CRHR2: variants seen among roughly 807,000 people sequenced by gnomAD.
CRHR2 encodes the protein corticotropin-releasing hormone receptor 2.
CRHR2 carries 53 observed loss-of-function variants against 57.9 expected under a neutral mutation model. That is an observed-to-expected ratio of 0.92 (90% CI 0.73 to 1.15). The LOEUF is 1.15. CRHR2 is among the 50% of genes most tolerant of loss of function. The pLI is 0.00. For missense variants in CRHR2, 532 were observed against 542.6 expected, an observed-to-expected ratio of 0.98 and a Z score of 0.19; for synonymous variants, 213 against 220.9, an observed-to-expected ratio of 0.96 and a Z score of 0.32.
At position 30,653,443 on chromosome 7, in the gene CRHR2, G is replaced by A. The variant is rs1435872521; in HGVS notation, c.*17C>T. 1 of 1,611,696 alleles carries A rather than the reference G, an allele frequency of 6.2e-7. No individual in the cohort carries two copies. The highest frequency in any genetic ancestry group is 8.5e-7 in the Non-Finnish European group (1 of 1,179,042). ...TGGAGGAGGACAGGGGAGCTGTGCA[G>A]GTGGGCGACCGAGGGGTCACACAGC... On this transcript the variant is annotated 3_prime_UTR_variant, in exon 12 of 12. Coordinates refer to ENST00000471646, the MANE Select transcript of CRHR2 (RefSeq NM_001883.5). This position sits in a 1 kb window ranked among gnomAD's most constrained non-coding sequence, Gnocchi z 5.0.
Position 30,665,611 on chromosome 7 carries a change from A to T in CRHR2, c.344T>A (p.Ile115Asn), listed in dbSNP as rs1230515681. 1 of 1,560,820 alleles carries T rather than the reference A, an allele frequency of 6.4e-7. No homozygotes were observed. Among genetic ancestry groups the T allele is most frequent in the South Asian group, 1.2e-5 (1 of 84,694 alleles). ...KQRKYDLHYR[I>N]ALVVNYLGHC... ...GCCCAGGTAGTTGACGACAAGGGCG[A>T]TGCGGTAGTGCAGGTCATACTTCCT... is the stretch of plus-strand genomic sequence containing the variant. The change falls in exon 4 of 12, where the codon ATC becomes AAC. Residue 115 changes from isoleucine (I) to asparagine (N), a missense_variant. Coordinates refer to ENST00000471646, the MANE Select transcript of CRHR2 (RefSeq NM_001883.5). This position sits in a 1 kb window ranked among gnomAD's most constrained non-coding sequence, Gnocchi z 4.5.
chr7:30,661,317 A>G lies in CRHR2; in HGVS notation c.759-672T>C, dbSNP rs116467950. Among the ~76,000 whole-genome samples, 902 of 152,258 alleles carry G rather than the reference A, an allele frequency of 5.9e-3. 9 individuals are homozygous for G. The highest frequency in any genetic ancestry group is 0.02 in the African/African-American group (839 of 41,556). ...GGAACTCATTCCTCTGAAATCTTGGAGGTCATCCAGTGCAGACCTGCCTCA... is the reference window on the plus strand; with the variant it reads ...GGAACTCATTCCTCTGAAATCTTGGGGGTCATCCAGTGCAGACCTGCCTCA... On this transcript the variant is annotated intron_variant, in intron 7 of 11. Coordinates refer to ENST00000471646, the MANE Select transcript of CRHR2 (RefSeq NM_001883.5).
At chr7:30,693,471 G>A (rs896629884) in intron 1 of CRHR2, among the ~76,000 whole-genome samples, 8 of 152,196 alleles carry the variant, frequency 5.3e-5, no homozygotes, top group Admixed American at 3.3e-4. Context: ...GTGAGGGCAC[G>A]GTGCTCTGCG....
intron 2 of CRHR2, among the ~76,000 whole-genome samples, chr7:30,675,951 G>C (rs920507641): frequency 6.6e-6 from 1 of 152,220 alleles, no homozygotes; most frequent in African/African-American, 2.4e-5. Flanking sequence ...GCCTGAGCAA[G>C]ACGATCAGGT....
At chr7:30,668,761 G>T (rs970497710) in intron 2 of CRHR2, among the ~76,000 whole-genome samples, 16 of 152,136 alleles carry the variant, frequency 1.1e-4, no homozygotes, top group African/African-American at 3.9e-4. Context: ...GGACGTGACT[G>T]GCCTATTCCT....
At position 30,656,166 on chromosome 7, in the gene CRHR2, A is replaced by G. The variant is rs1157234505; in HGVS notation, c.832-154T>C. On this transcript the variant is annotated intron_variant, in intron 8 of 11. Coordinates refer to ENST00000471646, the MANE Select transcript of CRHR2 (RefSeq NM_001883.5). This position sits in a 1 kb window ranked among gnomAD's most constrained non-coding sequence, Gnocchi z 4.4. ...TCCCCCTAGCACCTGCCAGCATCCCAAGGCCTGTGCTCCTCCCTCGCCAGG... is the reference window on the plus strand; with the variant it reads ...TCCCCCTAGCACCTGCCAGCATCCCGAGGCCTGTGCTCCTCCCTCGCCAGG... Among the ~76,000 whole-genome samples, 3 of 151,888 alleles carry G rather than the reference A, an allele frequency of 2.0e-5. No individual in the cohort carries two copies. Among genetic ancestry groups the G allele is most frequent in the Non-Finnish European group, 2.9e-5 (2 of 67,932 alleles).
chr7:30,694,283 G>A (rs1284225387), intron 1 of CRHR2, among the ~76,000 whole-genome samples: 1 of 152,166 alleles, frequency 6.6e-6, no homozygotes, highest in Non-Finnish European at 1.5e-5. Flanking sequence ...CCTGGTTCCC[G>A]CCTCTCAGTG....
chr7:30,663,240 T>G (rs984278902), intron 5 of CRHR2, among the ~76,000 whole-genome samples: 8 of 152,154 alleles, frequency 5.3e-5, no homozygotes, highest in Non-Finnish European at 1.2e-4. Flanking sequence ...TGCTTCCTTT[T>G]GGGGATGGGA....
intron 8 of CRHR2, among the ~76,000 whole-genome samples, chr7:30,659,332 A>C (rs2128140671): frequency 6.6e-6 from 1 of 152,294 alleles, no homozygotes; most frequent in Admixed American, 6.5e-5. Flanking sequence ...CCACCCTTCC[A>C]ACATCTTTAC....
At chr7:30,666,714 G>GT (rs1335433513) in intron 3 of CRHR2, among the ~76,000 whole-genome samples, 1 of 152,258 alleles carries the variant, frequency 6.6e-6, no homozygotes, top group African/African-American at 2.4e-5. Context: ...GGAATGAGGC[G>GT]TAGCCTCAAG....
chr7:30,695,768 A>G (rs1785044585), intron 1 of CRHR2, among the ~76,000 whole-genome samples: 2 of 152,212 alleles, frequency 1.3e-5, no homozygotes, highest in Non-Finnish European at 2.9e-5. Context: ...TAAAATTAAA[A>G]TTTTGTTAAA....
At chr7:30,677,333 C>G (rs1784549544) in intron 2 of CRHR2, among the ~76,000 whole-genome samples, 1 of 152,070 alleles carries the variant, frequency 6.6e-6, no homozygotes, top group Non-Finnish European at 1.5e-5. Context: ...GAGATGTACA[C>G]ACAGAGATGG....
intron 1 of CRHR2, among the ~76,000 whole-genome samples, chr7:30,690,422 G>A (rs1784937416): frequency 2.7e-4 from 1 of 3,642 alleles, no homozygotes; most frequent in South Asian, 2.6e-3. Flanking sequence ...TATGGTCAGC[G>A]TGTGTGTGTG....
chr7:30,672,836 CT>C (rs1478087598), intron 2 of CRHR2, among the ~76,000 whole-genome samples: 4 of 152,230 alleles, frequency 2.6e-5, no homozygotes, highest in Non-Finnish European at 5.9e-5. Context: ...AGGAAGACAA[CT>C]TCTGCATTTG....
At position 30,656,005 on chromosome 7, in the gene CRHR2, A is replaced by G. The variant is rs1357962586; in HGVS notation, c.839T>C (p.Phe280Ser). ...GPIILVLLINFVFLFNIVRIL... is the reference protein window; with the variant it reads ...GPIILVLLINSVFLFNIVRIL... ...CCTGACGATGTTGAACAGAAATACGAAATTGATCTGGAGGGAGGGCGGGCA... is the reference window on the plus strand; with the variant it reads ...CCTGACGATGTTGAACAGAAATACGGAATTGATCTGGAGGGAGGGCGGGCA... Residue 280 changes from phenylalanine (F) to serine (S), a missense_variant, in exon 9 of 12, where the codon TTC (phenylalanine) becomes TCC (serine). By Grantham distance (155) the Phe-to-Ser change is radical. Transcript: ENST00000471646. This position sits in a 1 kb window ranked among gnomAD's most constrained non-coding sequence, Gnocchi z 4.4. 1 of 1,613,850 alleles carries G rather than the reference A, an allele frequency of 6.2e-7. No homozygotes were observed. Among genetic ancestry groups the G allele is most frequent in the Non-Finnish European group, 8.5e-7 (1 of 1,179,844 alleles).
intron 10 of CRHR2, 33 bp downstream of exon 10, chr7:30,655,547 A>G (rs1783748580): frequency 6.3e-7 from 1 of 1,594,320 alleles, no homozygotes; most frequent in Non-Finnish European, 8.6e-7. Context: ...AGGAAAGCTC[A>G]CTGTGGGGCC....
intron 1 of CRHR2, 41 bp downstream of exon 1, chr7:30,682,134 GAGA>G (rs1784735091): frequency 2.6e-6 from 4 of 1,536,066 alleles, no homozygotes; most frequent in Non-Finnish European, 3.5e-6. Flanking sequence ...CAGCGCGCGA[GAGA>G]AGGAGCCCGC....
At chr7:30,690,404 T>G (rs1409954040) in intron 1 of CRHR2, among the ~76,000 whole-genome samples, 1 of 134,676 alleles carries the variant, frequency 7.4e-6, no homozygotes, top group Non-Finnish European at 1.6e-5. Flanking sequence ...CCACTCCTTT[T>G]CTTGCTCTAT....
rs1346393892 is a variant in CRHR2 at position 30,655,916 on chromosome 7, C to T, written c.917+11G>A. ...GTCCCCATTGTGGGGTCAAGGGACCCCCTCACATACCTGTACTGGATTGTC... is the reference window on the plus strand; with the variant it reads ...GTCCCCATTGTGGGGTCAAGGGACCTCCTCACATACCTGTACTGGATTGTC... On this transcript the variant is annotated intron_variant, in intron 9 of 11. Coordinates refer to ENST00000471646, the MANE Select transcript of CRHR2 (RefSeq NM_001883.5). The T allele has an allele frequency of 2.5e-6, 4 of 1,613,548 alleles. No individual in the cohort carries two copies. The highest frequency in any genetic ancestry group is 2.7e-5 in the African/African-American group (2 of 75,022).
Sources: gnomAD v4.1 joint callset for allele counts (sites outside exome capture counted in the v4.1 genomes callset) on GRCh38, gnomAD v4.1.1 for gene constraint, Gnocchi (gnomAD v3.1) non-coding constraint, MANE v1.5 for transcripts, NCBI Gene and HGNC (gene_info 2026-07-23, HGNC 2026-07-21) for gene names.